SRPK2: variants seen among roughly 807,000 people sequenced by gnomAD.
SRPK2 encodes the protein SFRS protein kinase 2.
In SRPK2, 21 loss-of-function variants were observed where a neutral mutation model predicts 90.8. The observed-to-expected ratio is 0.23, with a 90% CI of 0.16 to 0.33. The LOEUF (loss-of-function observed/expected upper bound fraction) is 0.33, where lower values mean the gene tolerates loss of function less well. Among genes scored for constraint, SRPK2 ranks in the 10% least tolerant of loss-of-function variants. The pLI is 1.00. For missense variants in SRPK2, 620 were observed against 869.0 expected, an observed-to-expected ratio of 0.71 and a Z score of 3.60; for synonymous variants, 288 against 311.1, an observed-to-expected ratio of 0.93 and a Z score of 0.78.
chr7:105,176,105 T>C (rs182849850), intron 3 of SRPK2, among the ~76,000 whole-genome samples: 78 of 152,230 alleles, frequency 5.1e-4, no homozygotes, highest in Non-Finnish European at 7.9e-4. Flanking sequence ...AATCAAATAA[T>C]ATATCAAAAG....
intron 2 of SRPK2, among the ~76,000 whole-genome samples, chr7:105,345,427 G>A (rs1317489494): frequency 1.3e-5 from 2 of 152,110 alleles, no homozygotes; most frequent in African/African-American, 2.4e-5. Context: ...TGAGTTTGAT[G>A]AGATACCCTA....
chr7:105,324,824 T>C (rs962927335), intron 2 of SRPK2, among the ~76,000 whole-genome samples: 1 of 152,006 alleles, frequency 6.6e-6, no homozygotes, highest in Non-Finnish European at 1.5e-5. Context: ...GAGGCGGAGG[T>C]TGCAGTGAGT....
intron 11 of SRPK2, among the ~76,000 whole-genome samples, chr7:105,135,847 C>T (rs374372813): frequency 6.6e-6 from 1 of 151,868 alleles, no homozygotes; most frequent in African/African-American, 2.4e-5. Flanking sequence ...TCACTGCAGC[C>T]TCCACCTCCT....
intron 2 of SRPK2, among the ~76,000 whole-genome samples, chr7:105,344,453 T>C (rs2131941782): frequency 7.4e-6 from 1 of 134,986 alleles, no homozygotes. Context: ...AGGATATCAC[T>C]ATATTGACCA....
chr7:105,319,827 CTCACTTCCGAGTTCTGGACA>C (rs1422400465), intron 2 of SRPK2, among the ~76,000 whole-genome samples: 5 of 151,612 alleles, frequency 3.3e-5, no homozygotes, highest in Admixed American at 3.3e-4. Context: ...GTTTCTGTAC[CTCACTTCCGAGTTCTGGACA>C]TCACTTCCCC....
intron 7 of SRPK2, among the ~76,000 whole-genome samples, chr7:105,154,675 G>C (rs2129580023): frequency 6.6e-6 from 1 of 152,080 alleles, no homozygotes; most frequent in African/African-American, 2.4e-5. Flanking sequence ...AAATCTAATG[G>C]CTATACTTTT....
At chr7:105,179,877 C>T (rs1224617187) in intron 3 of SRPK2, among the ~76,000 whole-genome samples, 1 of 146,400 alleles carries the variant, frequency 6.8e-6, no homozygotes, top group Non-Finnish European at 1.5e-5. Context: ...TACAGCTAAC[C>T]AGGGAAGTGA....
chr7:105,260,537 A>T (rs1405988356), intron 2 of SRPK2, among the ~76,000 whole-genome samples: 2 of 152,256 alleles, frequency 1.3e-5, no homozygotes, highest in African/African-American at 4.8e-5. Context: ...TACTGGGTAC[A>T]TACCCAAAGG....
chr7:105,264,494 C>A (rs1464325579), intron 2 of SRPK2, among the ~76,000 whole-genome samples: 1 of 152,156 alleles, frequency 6.6e-6, no homozygotes, highest in Non-Finnish European at 1.5e-5. Flanking sequence ...ATAAATATTA[C>A]TATGACACTT....
chr7:105,146,141 C>A (rs960320656), intron 8 of SRPK2, among the ~76,000 whole-genome samples: 1 of 152,148 alleles, frequency 6.6e-6, no homozygotes, highest in East Asian at 1.9e-4. Flanking sequence ...TTTATGTACA[C>A]AAAATTGAAG....
chr7:105,384,693 T>A (rs1475869654), intron 2 of SRPK2, among the ~76,000 whole-genome samples: 1 of 152,102 alleles, frequency 6.6e-6, no homozygotes, highest in African/African-American at 2.4e-5. Flanking sequence ...ATTGTGGGCT[T>A]AACCTGTCAG....
At chr7:105,308,244 G>A (rs1262373902) in intron 2 of SRPK2, among the ~76,000 whole-genome samples, 1 of 152,116 alleles carries the variant, frequency 6.6e-6, no homozygotes, top group East Asian at 1.9e-4. Context: ...ACAACCAACT[G>A]TAAAACAGAC....
intron 2 of SRPK2, among the ~76,000 whole-genome samples, chr7:105,356,503 A>G (rs958850339): frequency 6.6e-6 from 1 of 152,240 alleles, no homozygotes; most frequent in African/African-American, 2.4e-5. Context: ...AGTATGTAGC[A>G]GAATGCCCAA....
At chr7:105,167,594 T>C in intron 5 of SRPK2, 130 bp from the exon 6 acceptor site, 1 of 508,428 alleles carries the variant, frequency 2.0e-6, no homozygotes, top group Non-Finnish European at 3.3e-6. Context: ...TTATAAAAAA[T>C]AAACTTTATT....
At chr7:105,327,870 G>A (rs775207944) in intron 2 of SRPK2, among the ~76,000 whole-genome samples, 4 of 152,148 alleles carry the variant, frequency 2.6e-5, no homozygotes, top group Non-Finnish European at 2.9e-5. Flanking sequence ...GCGTGATCCC[G>A]GCTCACTGCA....
intron 13 of SRPK2, among the ~76,000 whole-genome samples, chr7:105,127,613 C>A (rs1285012962): frequency 3.3e-5 from 5 of 152,180 alleles, no homozygotes; most frequent in Non-Finnish European, 7.3e-5. Context: ...CCCTCTTTGT[C>A]CCCAGGGCCA....
chr7:105,197,420 G>A (rs1003339294), intron 3 of SRPK2, among the ~76,000 whole-genome samples: 1 of 152,162 alleles, frequency 6.6e-6, no homozygotes, highest in Admixed American at 6.5e-5. Flanking sequence ...ACGTGAGGCA[G>A]AAACAAAGGC....
chr7:105,225,448 T>C (rs986101987), intron 2 of SRPK2, among the ~76,000 whole-genome samples: 4 of 152,172 alleles, frequency 2.6e-5, no homozygotes, highest in Admixed American at 6.5e-5. Context: ...TCTCCCTCCA[T>C]GTCCTGAATG....
chr7:105,255,878 G>C (rs1231964520), intron 2 of SRPK2, among the ~76,000 whole-genome samples: 1 of 150,908 alleles, frequency 6.6e-6, no homozygotes, highest in African/African-American at 2.4e-5. Context: ...GTTGCAATGA[G>C]TCAAGATTGC....
Sources: gnomAD v4.1 joint callset for allele counts (sites outside exome capture counted in the v4.1 genomes callset) on GRCh38, gnomAD v4.1.1 for gene constraint, MANE v1.5 for transcripts, NCBI Gene and HGNC (gene_info 2026-07-23, HGNC 2026-07-21) for gene names.